The following PPARA variants were observed in gnomAD, a reference collection of about 807,000 sequenced individuals.
The protein encoded by PPARA is peroxisome proliferator-activated receptor alpha.
A neutral mutation model predicts 42.2 loss-of-function variants in PPARA; 22 were observed. That is an observed-to-expected ratio of 0.52 (90% CI 0.37 to 0.74). PPARA has a LOEUF of 0.74. PPARA is among the 30% of genes least tolerant of loss of function. PPARA has a pLI of 0.00. For synonymous variants in PPARA, 242 were observed against 239.3 expected, an observed-to-expected ratio of 1.01 and a Z score of -0.10; for missense variants, 465 against 608.2, an observed-to-expected ratio of 0.76 and a Z score of 2.48.
At chr22:46,202,543 C>T (rs1252869024) in intron 4 of PPARA, among the ~76,000 whole-genome samples, 1 of 151,894 alleles carries the variant, frequency 6.6e-6, no homozygotes, top group Non-Finnish European at 1.5e-5. Context: ...TCGAGACCAA[C>T]CTGGCCAACA....
At position 46,225,929 on chromosome 22, in the gene PPARA, G is replaced by T. The variant is rs1262454163; in HGVS notation, c.712-5863G>T. Among the ~76,000 whole-genome samples, 1 of 151,008 alleles carries T rather than the reference G, an allele frequency of 6.6e-6. No homozygotes were observed. Among genetic ancestry groups the T allele is most frequent in the Non-Finnish European group, 1.5e-5 (1 of 67,746 alleles). ...CCTGTGTGTACACACACACATGCAT[G>T]CTCACACACATGCACCCAGGCACAC... On this transcript the variant is annotated intron_variant, in intron 7 of 8. Coordinates refer to ENST00000407236, the MANE Select transcript of PPARA (RefSeq NM_005036.6). This position sits in a 1 kb window ranked among gnomAD's most constrained non-coding sequence, Gnocchi z 4.1.
rs1428859076 is a variant in PPARA at position 46,192,134 on chromosome 22, A to G, written c.-42-6208A>G. Among the ~76,000 whole-genome samples the G allele has an allele frequency of 1.3e-5, 2 of 152,248 alleles. No homozygotes were observed. Among genetic ancestry groups the G allele is most frequent in the Non-Finnish European group, 2.9e-5 (2 of 68,036 alleles). ...AGCAGGGATTGTGCTAGAAGTATGGATGCAAAGATTAGGTGAATATGTTCC... is the reference window on the plus strand; with the variant it reads ...AGCAGGGATTGTGCTAGAAGTATGGGTGCAAAGATTAGGTGAATATGTTCC... On this transcript the variant is annotated intron_variant, in intron 3 of 8. Coordinates refer to ENST00000407236, the MANE Select transcript of PPARA (RefSeq NM_005036.6). This position sits in a 1 kb window ranked among gnomAD's most constrained non-coding sequence, Gnocchi z 4.3.
At position 46,238,957 on chromosome 22, in the gene PPARA, T is replaced by C. The variant is rs1166509318; in HGVS notation, c.*3577T>C. On this transcript the variant is annotated 3_prime_UTR_variant, in exon 9 of 9. Transcript: ENST00000407236. The surrounding 1 kb of genome is among the most constrained non-coding windows in gnomAD (Gnocchi z 8.3). ...TTTCTTCCCACCTCGCTTGCCTGTT[T>C]CCGCTTGACCCTTCCTCCAGCTCCG... 6.6e-6 allele frequency: 1 copy of C among 152,264 alleles called. No individual in the cohort carries two copies. The highest frequency in any genetic ancestry group is 2.4e-5 in the African/African-American group (1 of 41,454). 9.4% of individuals were successfully genotyped at this position (152,264 alleles called of 1,614,324 possible).
rs2147125214 is a variant in PPARA, at chr22:46,160,663, T to C, written c.-127+8693T>C. ...GTCACCAGGCTGGAGTGCAGTGGTG[T>C]GATCTCAGCTCACTGCAACCTCCAC... On this transcript the variant is annotated intron_variant, in intron 2 of 8. Coordinates refer to ENST00000407236, the MANE Select transcript of PPARA (RefSeq NM_005036.6). The surrounding 1 kb of genome is among the most constrained non-coding windows in gnomAD (Gnocchi z 4.5). Among the ~76,000 whole-genome samples the C allele has an allele frequency of 6.6e-6, 1 of 152,066 alleles. No homozygotes were observed. The highest frequency in any genetic ancestry group is 3.4e-3 in the Middle Eastern group (1 of 292).
Position 46,236,304 on chromosome 22 carries a change from T to G in PPARA, c.*924T>G, listed in dbSNP as rs1056892041. The stretch of plus-strand genomic sequence containing the variant: ...TAAGCTATCAAAATGCAGCTGTTGT[T>G]TTGTTTTTGGCTCACTGTTTTCGTG... On this transcript the variant is annotated 3_prime_UTR_variant, in exon 9 of 9. Coordinates refer to ENST00000407236, the MANE Select transcript of PPARA (RefSeq NM_005036.6). This position sits in a 1 kb window ranked among gnomAD's most constrained non-coding sequence, Gnocchi z 5.2. 21 of 152,596 alleles carry G rather than the reference T, an allele frequency of 1.4e-4. No individual in the cohort carries two copies. Among genetic ancestry groups the G allele is most frequent in the African/African-American group, 5.1e-4 (21 of 41,432 alleles). 9.5% of individuals were successfully genotyped at this position (152,596 alleles called of 1,614,324 possible). A position where few individuals can be genotyped will look rare whatever the true frequency, so the allele number is the denominator to read the frequency against.
chr22:46,198,676 T>G (rs1932639153), intron 4 of PPARA, 85 bp downstream of exon 4: 1 of 1,316,940 alleles, frequency 7.6e-7, no homozygotes, highest in Non-Finnish European at 1.0e-6. Flanking sequence ...TTTTTTTTTT[T>G]TTGAGACGGA....
chr22:46,162,842 C>A lies in PPARA; in HGVS notation c.-127+10872C>A, dbSNP rs183278580. ...TTCAGATAACCTATGGCATTTGAGTCACTCTGATTTGATGAATTCTGCCTT... is the reference window on the plus strand; with the variant it reads ...TTCAGATAACCTATGGCATTTGAGTAACTCTGATTTGATGAATTCTGCCTT... On this transcript the variant is annotated intron_variant, in intron 2 of 8. Transcript: ENST00000407236. The surrounding 1 kb of genome is among the most constrained non-coding windows in gnomAD (Gnocchi z 6.0). Among the ~76,000 whole-genome samples, 1 of 152,228 alleles carries A rather than the reference C, an allele frequency of 6.6e-6. No homozygotes were observed. Among genetic ancestry groups the A allele is most frequent in the East Asian group, 1.9e-4 (1 of 5,202 alleles).
At chr22:46,168,246 G>A (rs1348222153) in intron 2 of PPARA, among the ~76,000 whole-genome samples, 2 of 149,370 alleles carry the variant, frequency 1.3e-5, no homozygotes, top group Non-Finnish European at 3.0e-5. Flanking sequence ...TAGCTACTCG[G>A]GAGGCTGAGG....
At chr22:46,198,269 T>C (rs1932556243) in intron 3 of PPARA, 73 bp from the exon 4 acceptor site, 2 of 537,346 alleles carry the variant, frequency 3.7e-6, no homozygotes, top group African/African-American at 2.2e-5. Context: ...AATAAATAAA[T>C]AATAAAAAAT....
intron 4 of PPARA, among the ~76,000 whole-genome samples, chr22:46,209,446 A>G (rs1933711643): frequency 1.3e-5 from 2 of 150,126 alleles, no homozygotes; most frequent in South Asian, 4.2e-4. Flanking sequence ...CTCCAATTAT[A>G]CATACATTAG....
chr22:46,235,488 T>TA lies in PPARA; in HGVS notation c.*109dup. On this transcript the variant is annotated 3_prime_UTR_variant, in exon 9 of 9. Coordinates refer to ENST00000407236, the MANE Select transcript of PPARA (RefSeq NM_005036.6). The surrounding 1 kb of genome is among the most constrained non-coding windows in gnomAD (Gnocchi z 7.0). ...GCACAAATATCCACCACTTTAACCTTAGAGCTTGGACAGTCTGAGCTGTAG... is the reference window on the plus strand; with the variant it reads ...GCACAAATATCCACCACTTTAACCTTAAGAGCTTGGACAGTCTGAGCTGTAG... 7.0e-7 allele frequency: 1 copy of TA among 1,429,238 alleles called. No individual in the cohort carries two copies. The allele number at this position is 1,429,238 out of a possible 1,614,324, so 88.5% of individuals were successfully genotyped here. A position where few individuals can be genotyped will look rare whatever the true frequency, so the allele number is the denominator to read the frequency against.
rs184461842 is a variant in PPARA at position 46,169,481 on chromosome 22, G to A, written c.-126-7272G>A. 1.6e-4 allele frequency among the ~76,000 whole-genome samples: 25 copies of A among 151,838 alleles called. No homozygotes were observed. In the East Asian group the frequency reaches 4.8e-3, roughly 29 times the overall value. On this transcript the variant is annotated intron_variant, in intron 2 of 8. Transcript: ENST00000407236. ...GATCTCCTGCTGTCGTGATCTGCCCGCCTCGGCCTCCCAAAGTGCTGGGAT... is the reference window on the plus strand; with the variant it reads ...GATCTCCTGCTGTCGTGATCTGCCCACCTCGGCCTCCCAAAGTGCTGGGAT...
chr22:46,214,170 G>A (rs4253728), intron 4 of PPARA, among the ~76,000 whole-genome samples: 28,084 of 152,214 alleles, frequency 0.18, 3,265 homozygotes, highest in Middle Eastern at 0.27. Flanking sequence ...AACAAAACGA[G>A]TTCTGCGTGG....
rs1169449700 is a variant in PPARA at position 46,207,670 on chromosome 22, TA to T, written c.209-7502del. Among the ~76,000 whole-genome samples, 1,133 of 113,916 alleles carry T rather than the reference TA, an allele frequency of 9.9e-3. 22 individuals are homozygous for T. Among genetic ancestry groups the T allele is most frequent in the African/African-American group, 0.043 (947 of 22,084 alleles). 74.7% of individuals were successfully genotyped at this position (113,916 alleles called of 152,430 possible). A position where few individuals can be genotyped will look rare whatever the true frequency, so the allele number is the denominator to read the frequency against. Reference sequence around the variant, plus strand: ...TTATTATTATTATTATTATTATTATTATTATTATTTTTTTTTTTTTTTTTTT... The same window carrying T: ...TTATTATTATTATTATTATTATTATTTTATTATTTTTTTTTTTTTTTTTTT... On this transcript the variant is annotated intron_variant, in intron 4 of 8. Transcript: ENST00000407236.
chr22:46,174,276 A>AGGAAGGAAGGAAGGAAGGAAGGAAAGG, intron 2 of PPARA, among the ~76,000 whole-genome samples: 1 of 150,640 alleles, frequency 6.6e-6, no homozygotes, highest in East Asian at 2.0e-4. Context: ...GAAGGAAGGA[A>AGGAAGGAAGGAAGGAAGGAAGGAAAGG]ATTATGATAA....
At position 46,234,595 on chromosome 22, in the gene PPARA, C is replaced by T. The variant is rs1936096162; in HGVS notation, c.1160-538C>T. On this transcript the variant is annotated intron_variant, in intron 8 of 8. Transcript: ENST00000407236. The surrounding 1 kb of genome is among the most constrained non-coding windows in gnomAD (Gnocchi z 5.8). The stretch of plus-strand genomic sequence containing the variant: ...TTGGCTCACTGCAATCTCCGTCTCC[C>T]AGGTTCAAGCGATTCTCCCACCTCA... 6.6e-6 allele frequency among the ~76,000 whole-genome samples: 1 copy of T among 152,078 alleles called. No homozygotes were observed. Among genetic ancestry groups the T allele is most frequent in the South Asian group, 2.1e-4 (1 of 4,828 alleles).
Position 46,169,198 on chromosome 22 carries a change from A to G in PPARA, c.-126-7555A>G, listed in dbSNP as rs1927587145. Among the ~76,000 whole-genome samples the G allele has an allele frequency of 1.1e-4, 16 of 151,998 alleles. 1 individual carries two copies. The Admixed American group carries it at 1.1e-3, about 10-fold the overall frequency. ...ACTGTGGGCTTCAGTTAGCAATAAT[A>G]TGTCAACATTGGCTCATCAGTGGCA... On this transcript the variant is annotated intron_variant, in intron 2 of 8. Coordinates refer to ENST00000407236, the MANE Select transcript of PPARA (RefSeq NM_005036.6).
At position 46,235,024 on chromosome 22, in the gene PPARA, T is replaced by A. The variant is rs2147719626; in HGVS notation, c.1160-109T>A. The A allele has an allele frequency of 6.6e-7, 1 of 1,509,470 alleles. No homozygotes were observed. The allele number at this position is 1,509,470 out of a possible 1,614,324, so 93.5% of individuals were successfully genotyped here. ...TGACAATATCTAAAGGCAGCTCAGTTTTTTTCTAAGAAAGGCCACATAAAA... is the reference window on the plus strand; with the variant it reads ...TGACAATATCTAAAGGCAGCTCAGTATTTTTCTAAGAAAGGCCACATAAAA... On this transcript the variant is annotated intron_variant, in intron 8 of 8. Coordinates refer to ENST00000407236, the MANE Select transcript of PPARA (RefSeq NM_005036.6). This position sits in a 1 kb window ranked among gnomAD's most constrained non-coding sequence, Gnocchi z 7.0.
chr22:46,163,974 G>C lies in PPARA; in HGVS notation c.-127+12004G>C. ...CTCACGCTTGTAATCCCAGCACTTT[G>C]GGAGGCTGAGGCGGGCGGATCACAT... On this transcript the variant is annotated intron_variant, in intron 2 of 8. Transcript: ENST00000407236. This position sits in a 1 kb window ranked among gnomAD's most constrained non-coding sequence, Gnocchi z 4.9. 1 of 152,288 alleles carries C rather than the reference G, an allele frequency of 6.6e-6. No homozygotes were observed. Among genetic ancestry groups the C allele is most frequent in the South Asian group, 2.1e-4 (1 of 4,826 alleles). 9.4% of individuals were successfully genotyped at this position (152,288 alleles called of 1,614,324 possible). A position where few individuals can be genotyped will look rare whatever the true frequency, so the allele number is the denominator to read the frequency against.
Sources: allele counts gnomAD v4.1 joint callset (sites outside exome capture counted in the v4.1 genomes callset), GRCh38; gene constraint gnomAD v4.1.1; non-coding constraint Gnocchi (gnomAD v3.1); transcripts MANE v1.5; gene names NCBI Gene and HGNC (gene_info 2026-07-23, HGNC 2026-07-21).